Variants in STAC observed in about 807,000 individuals in gnomAD.
The protein encoded by STAC is SH3 and cysteine rich domain, also known as SH3 and cysteine-rich domain-containing protein.
In STAC, 43 loss-of-function variants were observed where a neutral mutation model predicts 48.8. The ratio of observed to expected loss-of-function variants is 0.88; its 90% CI spans 0.69 to 1.14. STAC has a LOEUF of 1.14. STAC is among the 50% of genes most tolerant of loss of function. The pLI is 0.00. For missense variants in STAC, 497 were observed against 504.0 expected (o/e 0.99, Z 0.13); for synonymous variants, 193 against 179.5 (o/e 1.07, Z -0.60).
At chr3:36,385,286 TC>T (rs1699592491) in intron 1 of STAC, among the ~76,000 whole-genome samples, 1 of 152,122 alleles carries the variant, frequency 6.6e-6, no homozygotes, top group Non-Finnish European at 1.5e-5. Flanking sequence ...ATTTCAGCAG[TC>T]CCTTCTGATT....
rs566577665 is a variant in STAC, at chr3:36,509,962, G to T, written c.920+4128G>T. On this transcript the variant is annotated intron_variant, in intron 8 of 10. Transcript: ENST00000273183. ...AACAAACGTCAAAATTGACCATTGG[G>T]ATCTAATGAAACTAAAGAGTTTGTG... Among the ~76,000 whole-genome samples the T allele has an allele frequency of 3.9e-5, 6 of 152,210 alleles. No homozygotes were observed. In the South Asian group the frequency reaches 8.3e-4, roughly 21 times the overall value.
chr3:36,437,121 A>T (rs1700853900), intron 1 of STAC, among the ~76,000 whole-genome samples: 1 of 152,014 alleles, frequency 6.6e-6, no homozygotes, highest in Non-Finnish European at 1.5e-5. Flanking sequence ...AAAAGTCAGG[A>T]AACAACAGGT....
intron 2 of STAC, among the ~76,000 whole-genome samples, chr3:36,469,489 C>T (rs1459018579): frequency 6.6e-6 from 1 of 151,796 alleles, no homozygotes; most frequent in African/African-American, 2.4e-5. Flanking sequence ...TATAGGTTAT[C>T]TGATGTTTTT....
chr3:36,444,731 A>G (rs1251251602), intron 2 of STAC, among the ~76,000 whole-genome samples: 1 of 152,150 alleles, frequency 6.6e-6, no homozygotes, highest in East Asian at 1.9e-4. Flanking sequence ...AGGGGTGGAA[A>G]ATGGGCTCAA....
At chr3:36,433,408 A>T (rs1334347112) in intron 1 of STAC, among the ~76,000 whole-genome samples, 1 of 152,210 alleles carries the variant, frequency 6.6e-6, no homozygotes, top group Non-Finnish European at 1.5e-5. Flanking sequence ...GAACTGAGGG[A>T]TGCCATCAGA....
At chr3:36,465,372 G>A (rs1042605019) in intron 2 of STAC, among the ~76,000 whole-genome samples, 1 of 152,004 alleles carries the variant, frequency 6.6e-6, no homozygotes, top group African/African-American at 2.4e-5. Context: ...CTTTGTTGGA[G>A]GTATACATTG....
At chr3:36,419,750 G>GA (rs1296648505) in intron 1 of STAC, among the ~76,000 whole-genome samples, 9 of 152,198 alleles carry the variant, frequency 5.9e-5, no homozygotes, top group African/African-American at 2.2e-4. Context: ...ACTTTAGGCA[G>GA]ATAAGAGGAC....
intron 6 of STAC, among the ~76,000 whole-genome samples, chr3:36,499,723 T>C (rs896388307): frequency 6.6e-6 from 1 of 151,836 alleles, no homozygotes; most frequent in African/African-American, 2.4e-5. Context: ...TTTATAAATA[T>C]CTAAAACATA....
intron 10 of STAC, among the ~76,000 whole-genome samples, chr3:36,534,205 G>A (rs1699141457): frequency 6.6e-6 from 1 of 152,190 alleles, no homozygotes; most frequent in African/African-American, 2.4e-5. Context: ...GCCTCTGAAT[G>A]TCAACCTTCT....
At chr3:36,403,842 AATACT>A (rs1331374640) in intron 1 of STAC, among the ~76,000 whole-genome samples, 1 of 152,196 alleles carries the variant, frequency 6.6e-6, no homozygotes, top group African/African-American at 2.4e-5. Context: ...TCTGGAATCC[AATACT>A]GAGTCATTTG....
intron 6 of STAC, 128 bp downstream of exon 6, chr3:36,493,357 T>C (rs1178751063): frequency 5.1e-6 from 4 of 781,230 alleles, no homozygotes; most frequent in Admixed American, 4.9e-5. Context: ...GAGTGTTCAA[T>C]GTTCTGGAGA....
chr3:36,529,266 T>C, intron 10 of STAC: 2 of 203,908 alleles, frequency 9.8e-6, no homozygotes, highest in South Asian at 2.8e-4. Flanking sequence ...CACCGGTCTC[T>C]GATGTGGACA....
chr3:36,412,352 A>C (rs544844358), intron 1 of STAC, among the ~76,000 whole-genome samples: 1 of 152,330 alleles, frequency 6.6e-6, no homozygotes, highest in African/African-American at 2.4e-5. Flanking sequence ...TTGGATGTAC[A>C]TTTCATTGGC....
intron 5 of STAC, among the ~76,000 whole-genome samples, chr3:36,489,978 A>G (rs1697922890): frequency 2.0e-5 from 3 of 152,214 alleles, no homozygotes; most frequent in Non-Finnish European, 4.4e-5. Flanking sequence ...AAAATCTGAA[A>G]ATCTGATTTG....
Position 36,443,893 on chromosome 3 carries a change from C to G in STAC, c.388+253C>G, listed in dbSNP as rs1475184664. ...GCTGATCCCCTGTAGATCCCTAAAG[C>G]CCTTTAGCGTGTTCTTGCATTGAGG... On this transcript the variant is annotated intron_variant, in intron 2 of 10. Coordinates refer to ENST00000273183, the MANE Select transcript of STAC (RefSeq NM_003149.3). The surrounding 1 kb of genome is among the most constrained non-coding windows in gnomAD (Gnocchi z 4.2). Among the ~76,000 whole-genome samples, 1 of 152,142 alleles carries G rather than the reference C, an allele frequency of 6.6e-6. No homozygotes were observed. Among genetic ancestry groups the G allele is most frequent in the East Asian group, 1.9e-4 (1 of 5,190 alleles).
At chr3:36,485,190 A>T in intron 4 of STAC, 132 bp downstream of exon 4, 1 of 615,800 alleles carries the variant, frequency 1.6e-6, no homozygotes, top group South Asian at 3.8e-5. Flanking sequence ...TTGGGGTATG[A>T]CTGTGTGTTT....
intron 1 of STAC, among the ~76,000 whole-genome samples, chr3:36,429,937 G>A (rs1700659014): frequency 6.6e-6 from 1 of 152,220 alleles, no homozygotes. Context: ...TCTTGGAGAG[G>A]AGAGATGAAT....
At chr3:36,398,627 A>C in intron 1 of STAC, among the ~76,000 whole-genome samples, 1 of 109,000 alleles carries the variant, frequency 9.2e-6, no homozygotes, top group African/African-American at 3.4e-5. Context: ...GAAGAGAAAA[A>C]GAGAGAGAAA....
intron 1 of STAC, among the ~76,000 whole-genome samples, chr3:36,412,433 G>T (rs914201105): frequency 1.3e-5 from 2 of 149,662 alleles, no homozygotes; most frequent in East Asian, 1.9e-4. Context: ...AAAAATAGAG[G>T]TTTTTTTTTT....
Sources: gnomAD v4.1 joint callset for allele counts (sites outside exome capture counted in the v4.1 genomes callset) on GRCh38, gnomAD v4.1.1 for gene constraint, Gnocchi (gnomAD v3.1) non-coding constraint, MANE v1.5 for transcripts, NCBI Gene and HGNC (gene_info 2026-07-23, HGNC 2026-07-21) for gene names.